SLC24A3: variants seen among roughly 807,000 people sequenced by gnomAD.
SLC24A3 encodes sodium/potassium/calcium exchanger 3.
A neutral mutation model predicts 75.8 loss-of-function variants in SLC24A3; 28 were observed. The ratio of observed to expected loss-of-function variants is 0.37; its 90% CI spans 0.27 to 0.51. SLC24A3 has a LOEUF of 0.51. Among genes scored for constraint, SLC24A3 ranks in the 20% least tolerant of loss-of-function variants. The pLI, the probability that SLC24A3 is intolerant of heterozygous loss-of-function variation, is 0.94. For missense variants in SLC24A3, 663 were observed against 847.8 expected (o/e 0.78, Z 2.71); for synonymous variants, 372 against 334.1 (o/e 1.11, Z -1.24).
Position 19,598,608 on chromosome 20 carries a change from A to G in SLC24A3, c.612+13064A>G, listed in dbSNP as rs146980807. On this transcript the variant is annotated intron_variant, in intron 6 of 16. Transcript: ENST00000328041. The stretch of plus-strand genomic sequence containing the variant: ...CTTTATTTACTTGTGACTTTCTCCC[A>G]CAGTGAAATTGTGACTGCAGTTGGG... Among the ~76,000 whole-genome samples, 521 of 152,208 alleles carry G rather than the reference A, an allele frequency of 3.4e-3. 10 individuals carry two copies. The highest frequency in any genetic ancestry group is 0.025 in the Admixed American group (385 of 15,292).
At chr20:19,690,260 AATG>A (rs1223305411) in intron 12 of SLC24A3, among the ~76,000 whole-genome samples, 1 of 152,154 alleles carries the variant, frequency 6.6e-6, no homozygotes, top group Non-Finnish European at 1.5e-5. Context: ...TGTCATTGAA[AATG>A]ATGTTTTCCA....
At chr20:19,454,471 A>T (rs1987545028) in intron 2 of SLC24A3, among the ~76,000 whole-genome samples, 1 of 152,186 alleles carries the variant, frequency 6.6e-6, no homozygotes, top group Non-Finnish European at 1.5e-5. Context: ...TATGGATGGT[A>T]TACAGCTGCT....
chr20:19,400,072 T>C (rs1986522695), intron 2 of SLC24A3, among the ~76,000 whole-genome samples: 1 of 152,220 alleles, frequency 6.6e-6, no homozygotes, highest in African/African-American at 2.4e-5. Context: ...TAACAACTTT[T>C]CTAATGTCGT....
intron 2 of SLC24A3, among the ~76,000 whole-genome samples, chr20:19,327,150 G>T (rs1984881409): frequency 6.6e-6 from 1 of 152,108 alleles, no homozygotes; most frequent in Non-Finnish European, 1.5e-5. Flanking sequence ...AATTTCTAAA[G>T]CTCTTTTCTC....
chr20:19,612,757 C>T (rs2031687829), intron 6 of SLC24A3, among the ~76,000 whole-genome samples: 2 of 152,292 alleles, frequency 1.3e-5, no homozygotes, highest in East Asian at 1.9e-4. Flanking sequence ...GGAGGCCCCT[C>T]AGGGCTCTCC....
At chr20:19,669,027 C>T (rs1221987430) in intron 8 of SLC24A3, among the ~76,000 whole-genome samples, 2 of 152,184 alleles carry the variant, frequency 1.3e-5, no homozygotes, top group Non-Finnish European at 2.9e-5. Flanking sequence ...ATTAGAATGA[C>T]CACTTTAGAC....
intron 8 of SLC24A3, among the ~76,000 whole-genome samples, chr20:19,668,591 G>C (rs981272928): frequency 6.6e-6 from 1 of 152,152 alleles, no homozygotes; most frequent in African/African-American, 2.4e-5. Context: ...CTCTTTAAGA[G>C]GAAGTGAGCT....
At chr20:19,536,455 G>T (rs1424122541) in intron 3 of SLC24A3, among the ~76,000 whole-genome samples, 1 of 152,066 alleles carries the variant, frequency 6.6e-6, no homozygotes, top group Non-Finnish European at 1.5e-5. Flanking sequence ...ACTGCCCAAG[G>T]TAATTTATAG....
chr20:19,346,407 GGT>G (rs1416673178), intron 2 of SLC24A3, among the ~76,000 whole-genome samples: 1 of 140,542 alleles, frequency 7.1e-6, no homozygotes, highest in African/African-American at 2.7e-5. Context: ...GTATATATAT[GGT>G]ATATATATGG....
At chr20:19,357,028 A>G (rs1449487238) in intron 2 of SLC24A3, among the ~76,000 whole-genome samples, 2 of 152,148 alleles carry the variant, frequency 1.3e-5, no homozygotes, top group African/African-American at 4.8e-5. Flanking sequence ...ATTATTTTGC[A>G]GGTGTGGTTC....
intron 2 of SLC24A3, among the ~76,000 whole-genome samples, chr20:19,471,704 A>G (rs1468502669): frequency 6.6e-6 from 1 of 152,196 alleles, no homozygotes; most frequent in Non-Finnish European, 1.5e-5. Flanking sequence ...GGGAATGAAG[A>G]AAAGAAAGTG....
At position 19,618,724 on chromosome 20, in the gene SLC24A3, G is replaced by A. The variant is rs979667946; in HGVS notation, c.612+33180G>A. Among the ~76,000 whole-genome samples, 2 of 152,180 alleles carry A rather than the reference G, an allele frequency of 1.3e-5. 1 individual carries two copies. The highest frequency in any genetic ancestry group is 1.3e-4 in the Admixed American group (2 of 15,274). On this transcript the variant is annotated intron_variant, in intron 6 of 16. Transcript: ENST00000328041. ...GATAGTGCTTCCTAGTGGGATTGTT[G>A]TAAAGATTAAATGAGTTAATACCTC...
intron 6 of SLC24A3, among the ~76,000 whole-genome samples, chr20:19,639,476 ACAGAGTGC>A (rs1369515241): frequency 2.0e-5 from 3 of 152,268 alleles, no homozygotes; most frequent in African/African-American, 7.2e-5. Flanking sequence ...TGAGCTAGAT[ACAGAGTGC>A]CCATTGGTGT....
At chr20:19,381,627 GAGA>G (rs1466382105) in intron 2 of SLC24A3, among the ~76,000 whole-genome samples, 1 of 152,202 alleles carries the variant, frequency 6.6e-6, no homozygotes, top group African/African-American at 2.4e-5. Context: ...CCTCTTCCAG[GAGA>G]AGGAGATGAG....
chr20:19,693,329 C>G lies in SLC24A3; in HGVS notation c.1395C>G (p.Pro465=), dbSNP rs1442478555. 4 of 1,613,966 alleles carry G rather than the reference C, an allele frequency of 2.5e-6. No homozygotes were observed. Among genetic ancestry groups the G allele is most frequent in the Admixed American group, 3.3e-5 (2 of 59,994 alleles). Reference sequence around the variant, plus strand: ...GTTTCGTCTTATACTTCACTGTACCCAACTGCAACAAGCCGCGCTGGGAGA... The same window carrying G: ...GTTTCGTCTTATACTTCACTGTACCGAACTGCAACAAGCCGCGCTGGGAGA... ...PLSFVLYFTV[P]NCNKPRWEKW... The change falls in exon 13 of 17, where the codon CCC becomes CCG. Residue 465 remains proline (P), a synonymous_variant. Transcript: ENST00000328041.
chr20:19,301,165 T>A (rs1451765070), intron 2 of SLC24A3, among the ~76,000 whole-genome samples: 11 of 152,178 alleles, frequency 7.2e-5, no homozygotes, highest in Non-Finnish European at 4.4e-5. Flanking sequence ...CCCCTGCACC[T>A]CTCCCTGTTC....
intron 1 of SLC24A3, among the ~76,000 whole-genome samples, chr20:19,256,893 A>G (rs1404009658): frequency 6.6e-6 from 1 of 152,168 alleles, no homozygotes; most frequent in African/African-American, 2.4e-5. Context: ...CAGGTTAGGT[A>G]GAATATATTA....
At chr20:19,402,405 C>T (rs950743025) in intron 2 of SLC24A3, among the ~76,000 whole-genome samples, 1 of 152,128 alleles carries the variant, frequency 6.6e-6, no homozygotes, top group African/African-American at 2.4e-5. Flanking sequence ...CAGAAACAAA[C>T]AAACCAGGGT....
intron 2 of SLC24A3, among the ~76,000 whole-genome samples, chr20:19,367,097 A>G (rs1385468667): frequency 6.6e-6 from 1 of 152,258 alleles, no homozygotes; most frequent in Non-Finnish European, 1.5e-5. Flanking sequence ...GGCTAGTGTG[A>G]CAGAAGAACT....
Sources: allele counts gnomAD v4.1 joint callset (sites outside exome capture counted in the v4.1 genomes callset), GRCh38; gene constraint gnomAD v4.1.1; transcripts MANE v1.5; gene names NCBI Gene and HGNC (gene_info 2026-07-23, HGNC 2026-07-21).